Variants in HIP1 observed in about 807,000 individuals in gnomAD.
HIP1 encodes huntingtin-interacting protein 1.
In HIP1, 65 loss-of-function variants were observed where a neutral mutation model predicts 147.6. That is an observed-to-expected ratio of 0.44 (90% confidence interval 0.36 to 0.54). The LOEUF (loss-of-function observed/expected upper bound fraction) is 0.54. Among genes scored for constraint, HIP1 ranks in the 20% least tolerant of loss-of-function variants. The pLI, the probability that HIP1 is intolerant of heterozygous loss-of-function variation, is 0.00. For missense variants in HIP1, 1,061 were observed against 1,299.6 expected, an observed-to-expected ratio of 0.82 and a Z score of 2.82; for synonymous variants, 479 against 504.0, an observed-to-expected ratio of 0.95 and a Z score of 0.67.
Position 75,647,211 on chromosome 7 carries a change from C to CAAAAAAAAAAAA in HIP1, c.121-47976_121-47965dup, listed in dbSNP as rs60972195. On this transcript the variant is annotated intron_variant, in intron 1 of 30. Coordinates refer to ENST00000336926, the MANE Select transcript of HIP1 (RefSeq NM_005338.7). ...CGAAACCCCATCTCTACTAAAAATACAAAAAAAAAAAAAAAAAAAAAAAAA... is the reference window on the plus strand; with the variant it reads ...CGAAACCCCATCTCTACTAAAAATACAAAAAAAAAAAAAAAAAAAAAAAAAAAAAAAAAAAAA... 4.8e-4 allele frequency among the ~76,000 whole-genome samples: 28 copies of CAAAAAAAAAAAA among 58,000 alleles called. 4 individuals carry two copies. Among genetic ancestry groups the CAAAAAAAAAAAA allele is most frequent in the East Asian group, 6.5e-4 (1 of 1,538 alleles). 38.1% of individuals were successfully genotyped at this position (58,000 alleles called of 152,430 possible).
intron 1 of HIP1, among the ~76,000 whole-genome samples, chr7:75,607,031 ACCAGC>A: frequency 6.6e-6 from 1 of 151,446 alleles, no homozygotes; most frequent in African/African-American, 2.4e-5. Flanking sequence ...GGAGTTTGAG[ACCAGC>A]CTGGGCAATA....
chr7:75,558,912 G>A (rs913346319), intron 14 of HIP1, among the ~76,000 whole-genome samples: 6 of 152,060 alleles, frequency 3.9e-5, no homozygotes, highest in Non-Finnish European at 8.8e-5. Flanking sequence ...CCAGCTACTC[G>A]GGAGGCTGAG....
intron 14 of HIP1, among the ~76,000 whole-genome samples, chr7:75,558,496 C>T (rs1795103142): frequency 6.6e-6 from 1 of 152,130 alleles, no homozygotes; most frequent in Admixed American, 6.5e-5. Flanking sequence ...CGCCACCACA[C>T]CCGGCTAATT....
intron 1 of HIP1, among the ~76,000 whole-genome samples, chr7:75,664,177 TGTAC>T (rs1799452905): frequency 7.1e-6 from 1 of 140,980 alleles, no homozygotes; most frequent in African/African-American, 2.6e-5. Context: ...CATACATATA[TGTAC>T]ATACATATAT....
chr7:75,670,557 C>T (rs2696212), intron 1 of HIP1, among the ~76,000 whole-genome samples: 85,515 of 151,384 alleles, frequency 0.56, 24,595 homozygotes, highest in African/African-American at 0.66. Flanking sequence ...AAAACTGAAA[C>T]GGTCCCCATT....
intron 1 of HIP1, among the ~76,000 whole-genome samples, chr7:75,736,013 G>A (rs971563764): frequency 9.3e-5 from 14 of 151,114 alleles, no homozygotes; most frequent in Admixed American, 2.0e-4. Context: ...TGGGAAGATC[G>A]CTTGAGGCTA....
At chr7:75,541,225 T>C (rs587653754) in intron 29 of HIP1, among the ~76,000 whole-genome samples, 4 of 151,962 alleles carry the variant, frequency 2.6e-5, no homozygotes, top group African/African-American at 9.7e-5. Context: ...TGAAACCTTA[T>C]CTCTATTAAA....
intron 5 of HIP1, among the ~76,000 whole-genome samples, chr7:75,585,414 G>A (rs1796222424): frequency 6.6e-6 from 1 of 152,050 alleles, no homozygotes. Flanking sequence ...GACCTCAGAC[G>A]ATCCGCCCGC....
intron 7 of HIP1, among the ~76,000 whole-genome samples, chr7:75,577,717 A>G (rs1386116928): frequency 6.6e-6 from 1 of 152,218 alleles, no homozygotes; most frequent in African/African-American, 2.4e-5. Context: ...AAACCAGAGC[A>G]GGCTGGGCAC....
intron 7 of HIP1, among the ~76,000 whole-genome samples, chr7:75,578,354 C>T (rs1050069905): frequency 1.2e-4 from 19 of 152,196 alleles, no homozygotes; most frequent in African/African-American, 3.6e-4. Context: ...ATCTCACTCA[C>T]GCCTGCATTC....
chr7:75,623,269 G>A (rs1554507484), intron 1 of HIP1, among the ~76,000 whole-genome samples: 1 of 151,914 alleles, frequency 6.6e-6, no homozygotes, highest in African/African-American at 2.4e-5. Context: ...AGAGAAAGGG[G>A]AGGCTGGGAG....
At chr7:75,726,004 C>T (rs1055331533) in intron 1 of HIP1, among the ~76,000 whole-genome samples, 1 of 151,284 alleles carries the variant, frequency 6.6e-6, no homozygotes. Context: ...TTTGTTTGTT[C>T]GTTTGTTTGT....
intron 13 of HIP1, among the ~76,000 whole-genome samples, chr7:75,560,603 G>A (rs968837861): frequency 2.6e-5 from 4 of 152,144 alleles, no homozygotes; most frequent in South Asian, 2.1e-4. Context: ...GTTCTCCACA[G>A]CTTCTCAGCC....
At chr7:75,727,893 C>G (rs1801705057) in intron 1 of HIP1, among the ~76,000 whole-genome samples, 1 of 151,350 alleles carries the variant, frequency 6.6e-6, no homozygotes, top group Admixed American at 6.6e-5. Flanking sequence ...TGTACCTTTT[C>G]TAAGTCACAC....
chr7:75,703,219 A>G (rs955497603), intron 1 of HIP1, among the ~76,000 whole-genome samples: 14 of 152,118 alleles, frequency 9.2e-5, no homozygotes, highest in African/African-American at 3.1e-4. Flanking sequence ...ATGGTGGTGC[A>G]TGCTTGTAAT....
chr7:75,656,669 G>A (rs1554512721), intron 1 of HIP1, among the ~76,000 whole-genome samples: 2 of 152,050 alleles, frequency 1.3e-5, no homozygotes, highest in African/African-American at 4.8e-5. Context: ...TAGAGACGGG[G>A]TTTCTCCATG....
chr7:75,539,278 C>T lies in HIP1; in HGVS notation c.3061+45G>A, dbSNP rs1230712926. Reference sequence around the variant, plus strand: ...GGGGAAGGCCCTGGCCACACAGCTTCCCCTCCCTGCTGCGGGTTAGTGCCC... The same window carrying T: ...GGGGAAGGCCCTGGCCACACAGCTTTCCCTCCCTGCTGCGGGTTAGTGCCC... On this transcript the variant is annotated intron_variant, in intron 30 of 30. Coordinates refer to ENST00000336926, the MANE Select transcript of HIP1 (RefSeq NM_005338.7). The T allele has an allele frequency of 2.8e-6, 4 of 1,417,432 alleles. No individual in the cohort carries two copies. In the Admixed American group the frequency reaches 6.7e-5, roughly 24 times the overall value. The allele number at this position is 1,417,432 out of a possible 1,614,324, so 87.8% of individuals were successfully genotyped here.
At chr7:75,728,398 G>A (rs1801720787) in intron 1 of HIP1, among the ~76,000 whole-genome samples, 1 of 152,168 alleles carries the variant, frequency 6.6e-6, no homozygotes, top group Admixed American at 6.5e-5. Flanking sequence ...CGGGAGGTGG[G>A]GCTGACAAGT....
intron 5 of HIP1, among the ~76,000 whole-genome samples, chr7:75,582,748 A>G (rs587720801): frequency 1.2e-3 from 189 of 152,278 alleles, no homozygotes; most frequent in Non-Finnish European, 2.2e-3. Context: ...CGGAGGTTGC[A>G]GTGAGCTGAG....
Sources: allele counts gnomAD v4.1 joint callset (sites outside exome capture counted in the v4.1 genomes callset), GRCh38; gene constraint gnomAD v4.1.1; transcripts MANE v1.5; gene names NCBI Gene and HGNC (gene_info 2026-07-23, HGNC 2026-07-21).